Variants in GREM2 observed in about 807,000 individuals in gnomAD.
The protein encoded by GREM2 is gremlin 2, DAN family BMP antagonist.
Under a neutral mutation model 14.2 loss-of-function variants are expected in GREM2, and 11 were observed. The observed-to-expected ratio is 0.78, with a 90% CI of 0.49 to 1.28. The LOEUF is 1.28. Ranked by LOEUF, GREM2 falls within the 50% of genes most tolerant of loss-of-function variation. The pLI is 0.00. For synonymous variants in GREM2, 98 were observed against 97.6 expected, an observed-to-expected ratio of 1.00 and a Z score of -0.02; for missense variants, 210 against 218.5, an observed-to-expected ratio of 0.96 and a Z score of 0.24.
intron 1 of GREM2, among the ~76,000 whole-genome samples, chr1:240,559,340 C>CTTTT (rs61006579): frequency 3.5e-4 from 39 of 110,100 alleles, no homozygotes; most frequent in African/African-American, 6.0e-4. Flanking sequence ...ATCAAAAAGT[C>CTTTT]TTTTTTTTTT....
At chr1:240,536,620 A>AC (rs1165562643) in intron 1 of GREM2, among the ~76,000 whole-genome samples, 1 of 150,002 alleles carries the variant, frequency 6.7e-6, no homozygotes. Flanking sequence ...CCATCTGTAG[A>AC]GTTTAAGACA....
intron 1 of GREM2, among the ~76,000 whole-genome samples, chr1:240,584,283 T>C (rs1265883412): frequency 1.3e-5 from 2 of 151,214 alleles, no homozygotes; most frequent in Admixed American, 1.3e-4. Flanking sequence ...TCACCTGAGG[T>C]CAGGAGTTTG....
rs1166563015 is a variant in GREM2 at position 240,493,094 on chromosome 1, C to G, written c.382G>C (p.Val128Leu). The G allele has an allele frequency of 6.2e-7, 1 of 1,613,964 alleles. No homozygotes were observed. The highest frequency in any genetic ancestry group is 1.7e-5 in the Admixed American group (1 of 60,020). ...QSCAFCKPQR[V>L]TSVLVELECP... ...TCGAGCTCCACGAGGACGGAGGTGACGCGCTGGGGCTTGCAGAAGGCGCAG... is the reference window on the plus strand; with the variant it reads ...TCGAGCTCCACGAGGACGGAGGTGAGGCGCTGGGGCTTGCAGAAGGCGCAG... Residue 128 changes from valine (V) to leucine (L), a missense_variant, in exon 2 of 2, where the codon GTC becomes CTC. Transcript: ENST00000318160.
intron 1 of GREM2, among the ~76,000 whole-genome samples, chr1:240,521,554 GTGT>G (rs1678098729): frequency 6.6e-6 from 1 of 152,092 alleles, no homozygotes. Context: ...CTGGGCGACA[GTGT>G]GAGACTCCGT....
Position 240,593,640 on chromosome 1 carries a change from C to T in GREM2, c.-2+18244G>A, listed in dbSNP as rs536491413. ...CATTACTGTTACTCATGTAAGTCAC[C>T]TTTGTGTGTTGCAGTAGACTCTGAG... is the stretch of plus-strand genomic sequence containing the variant. On this transcript the variant is annotated intron_variant, in intron 1 of 1. Transcript: ENST00000318160. Among the ~76,000 whole-genome samples, 3 of 152,256 alleles carry T rather than the reference C, an allele frequency of 2.0e-5. No homozygotes were observed. The East Asian group carries it at 5.8e-4, about 30-fold the overall frequency.
At position 240,588,330 on chromosome 1, in the gene GREM2, G is replaced by T. The variant is rs972450547; in HGVS notation, c.-2+23554C>A. On this transcript the variant is annotated intron_variant, in intron 1 of 1. Coordinates refer to ENST00000318160, the MANE Select transcript of GREM2 (RefSeq NM_022469.4). ...TGTTCCTGGCACTTCTCACTACATT[G>T]CTTGCACTTGAATCCTTGACTCAGC... is the stretch of plus-strand genomic sequence containing the variant. 2.6e-5 allele frequency among the ~76,000 whole-genome samples: 4 copies of T among 152,042 alleles called. No homozygotes were observed. The South Asian group carries it at 6.2e-4, about 24-fold the overall frequency.
intron 1 of GREM2, among the ~76,000 whole-genome samples, chr1:240,579,156 G>A (rs927142824): frequency 5.3e-5 from 8 of 152,128 alleles, no homozygotes; most frequent in Non-Finnish European, 8.8e-5. Context: ...TTCCATACCC[G>A]TTCTCCCTGT....
intron 1 of GREM2, among the ~76,000 whole-genome samples, chr1:240,581,216 C>T (rs1302200128): frequency 6.6e-6 from 1 of 150,788 alleles, no homozygotes; most frequent in Non-Finnish European, 1.5e-5. Context: ...TGCCACTGCA[C>T]TCCAGCCTGG....
chr1:240,593,572 G>A (rs762590179), intron 1 of GREM2, among the ~76,000 whole-genome samples: 3 of 152,178 alleles, frequency 2.0e-5, no homozygotes, highest in African/African-American at 4.8e-5. Context: ...AATCAGCAAC[G>A]TATGTGTCAT....
At chr1:240,557,142 C>G (rs981464174) in intron 1 of GREM2, among the ~76,000 whole-genome samples, 9 of 151,350 alleles carry the variant, frequency 5.9e-5, no homozygotes, top group Non-Finnish European at 1.3e-4. Context: ...TGCACTCCAG[C>G]CTGGGTGACA....
chr1:240,579,070 C>T (rs972853525), intron 1 of GREM2, among the ~76,000 whole-genome samples: 3 of 152,186 alleles, frequency 2.0e-5, no homozygotes, highest in Non-Finnish European at 2.9e-5. Context: ...ATTGTCAGGT[C>T]ATTCTCCTTA....
chr1:240,607,254 G>A (rs1044300966), intron 1 of GREM2, among the ~76,000 whole-genome samples: 1 of 152,108 alleles, frequency 6.6e-6, no homozygotes, highest in Non-Finnish European at 1.5e-5. Context: ...TCAAGAGAGA[G>A]TGTAGACTTT....
At chr1:240,498,568 G>A (rs1041908950) in intron 1 of GREM2, among the ~76,000 whole-genome samples, 2 of 152,134 alleles carry the variant, frequency 1.3e-5, no homozygotes, top group Non-Finnish European at 2.9e-5. Context: ...AGTTCACCAG[G>A]GGAGAGAACG....
At chr1:240,536,078 G>GC (rs397825278) in intron 1 of GREM2, among the ~76,000 whole-genome samples, 2 of 1,150 alleles carry the variant, frequency 1.7e-3, no homozygotes, top group African/African-American at 5.7e-3. Flanking sequence ...AGACTGGTAA[G>GC]ACAAGAGGAA....
intron 1 of GREM2, among the ~76,000 whole-genome samples, chr1:240,512,181 GA>G (rs1677849265): frequency 6.6e-6 from 1 of 152,146 alleles, no homozygotes; most frequent in Admixed American, 6.5e-5. Context: ...ATTTGAGGGA[GA>G]TTTTTTTCTC....
intron 1 of GREM2, among the ~76,000 whole-genome samples, chr1:240,510,211 T>G (rs1677781374): frequency 6.6e-6 from 1 of 150,878 alleles, no homozygotes; most frequent in South Asian, 2.1e-4. Context: ...CCACTAAAAA[T>G]ACAAAGAAAT....
At chr1:240,547,923 A>C (rs942181688) in intron 1 of GREM2, among the ~76,000 whole-genome samples, 1 of 152,058 alleles carries the variant, frequency 6.6e-6, no homozygotes, top group Non-Finnish European at 1.5e-5. Flanking sequence ...ATGTTATCTG[A>C]TGGGAGAAGA....
chr1:240,561,137 G>A (rs1431823436), intron 1 of GREM2, among the ~76,000 whole-genome samples: 1 of 151,890 alleles, frequency 6.6e-6, no homozygotes, highest in Non-Finnish European at 1.5e-5. Context: ...TTTTTTCAAG[G>A]TGAAACTAAG....
chr1:240,514,247 C>CAAA (rs34702912), intron 1 of GREM2, among the ~76,000 whole-genome samples: 24 of 80,186 alleles, frequency 3.0e-4, no homozygotes, highest in Non-Finnish European at 4.0e-4. Flanking sequence ...GATTCCATCT[C>CAAA]AAAAAAAAAA....
Sources: gnomAD v4.1 joint callset for allele counts (sites outside exome capture counted in the v4.1 genomes callset) on GRCh38, gnomAD v4.1.1 for gene constraint, MANE v1.5 for transcripts, NCBI Gene and HGNC (gene_info 2026-07-23, HGNC 2026-07-21) for gene names.